The following SLC2A9 variants were observed in gnomAD, a reference collection of about 807,000 sequenced individuals.
The protein encoded by SLC2A9 is solute carrier family 2 member 9, also known as solute carrier family 2, facilitated glucose transporter member 9.
In SLC2A9, 39 loss-of-function variants were observed where a neutral mutation model predicts 50.6. That is an observed-to-expected ratio of 0.77 (90% CI 0.60 to 1.01). The LOEUF (loss-of-function observed/expected upper bound fraction) is 1.01. SLC2A9 is among the 50% of genes least tolerant of loss of function. SLC2A9 has a pLI of 0.00. For synonymous variants in SLC2A9, 324 were observed against 276.9 expected, an observed-to-expected ratio of 1.17 and a Z score of -1.69; for missense variants, 686 against 677.6, an observed-to-expected ratio of 1.01 and a Z score of -0.14.
intron 10 of SLC2A9, among the ~76,000 whole-genome samples, chr4:9,882,764 C>T (rs1410114694): frequency 1.3e-5 from 2 of 151,014 alleles, no homozygotes; most frequent in Non-Finnish European, 2.9e-5. Context: ...AGCAGCTGAT[C>T]TATAAACCAT....
intron 8 of SLC2A9, among the ~76,000 whole-genome samples, chr4:9,891,831 G>T (rs960031702): frequency 6.6e-6 from 1 of 152,216 alleles, no homozygotes; most frequent in East Asian, 1.9e-4. Flanking sequence ...TTTGGGGCTG[G>T]ATGGTCCCCA....
intron 3 of SLC2A9, among the ~76,000 whole-genome samples, chr4:9,803,601 C>A (rs140755938): frequency 3.3e-5 from 5 of 152,286 alleles, no homozygotes; most frequent in Non-Finnish European, 7.4e-5. Flanking sequence ...ATTGAGGAAA[C>A]CTTCATTGAC....
At chr4:9,781,384 C>A (rs1033527722) in intron 3 of SLC2A9, among the ~76,000 whole-genome samples, 2 of 152,240 alleles carry the variant, frequency 1.3e-5, no homozygotes, top group Non-Finnish European at 2.9e-5. Context: ...GTTCCCCAAG[C>A]GTGGCCAGGG....
Position 9,915,467 on chromosome 4 carries a change from C to A in SLC2A9, c.1002+4918G>T, listed in dbSNP as rs547325931. Among the ~76,000 whole-genome samples the A allele has an allele frequency of 2.4e-3, 369 of 152,300 alleles. 4 individuals carry two copies. Among genetic ancestry groups the A allele is most frequent in the Non-Finnish European group, 3.9e-3 (263 of 68,026 alleles). On this transcript the variant is annotated intron_variant, in intron 7 of 11. Coordinates refer to ENST00000264784, the MANE Select transcript of SLC2A9 (RefSeq NM_020041.3). ...GTCAGGCTGATCTTGAACTCCCGAC[C>A]TCAAGTGATCTGCCCACCCCAGGCT...
At chr4:10,022,428 AT>A (rs1319044339), upstream of SLC2A9, among the ~76,000 whole-genome samples, 1 of 152,264 alleles carries the variant, frequency 6.6e-6, no homozygotes, top group Admixed American at 6.5e-5. Context: ...CATGTCCTGT[AT>A]TCCAGCCCCA....
chr4:9,812,932 C>T (rs529578468), intron 3 of SLC2A9, among the ~76,000 whole-genome samples: 1 of 152,332 alleles, frequency 6.6e-6, no homozygotes, highest in South Asian at 2.1e-4. Flanking sequence ...AGGATAATTA[C>T]ATTCACATCT....
At chr4:9,886,829 G>A (rs1353630081) in intron 10 of SLC2A9, among the ~76,000 whole-genome samples, 1 of 152,194 alleles carries the variant, frequency 6.6e-6, no homozygotes, top group Non-Finnish European at 1.5e-5. Context: ...GCTGGACGTG[G>A]ACACAGGGCC....
At chr4:9,826,153 G>C (rs1048952801), downstream of SLC2A9, 6 of 524,656 alleles carry the variant, frequency 1.1e-5, no homozygotes, top group African/African-American at 7.6e-5. Flanking sequence ...CTGAAACATA[G>C]AGTGATTCCT....
At chr4:9,801,112 C>CT (rs1721347949) in intron 3 of SLC2A9, among the ~76,000 whole-genome samples, 1 of 151,354 alleles carries the variant, frequency 6.6e-6, no homozygotes, top group South Asian at 2.1e-4. Flanking sequence ...TTGAATGTGG[C>CT]TTTTGTTGTC....
intron 10 of SLC2A9, among the ~76,000 whole-genome samples, chr4:9,838,063 T>C (rs1114199): frequency 0.16 from 24,465 of 152,188 alleles, 2,708 homozygotes; most frequent in African/African-American, 0.31. Context: ...ATAAGTCTTG[T>C]ACATGAAGGG....
At chr4:9,978,497 T>A (rs1435002924) in intron 5 of SLC2A9, among the ~76,000 whole-genome samples, 1 of 152,274 alleles carries the variant, frequency 6.6e-6, no homozygotes, top group Non-Finnish European at 1.5e-5. Flanking sequence ...GACTTTTAAA[T>A]GTATTTTTGT....
chr4:9,817,368 C>G (rs1044865293), intron 3 of SLC2A9, among the ~76,000 whole-genome samples: 2 of 152,208 alleles, frequency 1.3e-5, no homozygotes, highest in East Asian at 3.9e-4. Flanking sequence ...TTGTCAGGCA[C>G]CTTCTACGTA....
rs138528321 is a variant in SLC2A9 at position 9,820,632 on chromosome 4, C to T, written n.420+5788G>A. On this transcript the variant is annotated intron_variant and non_coding_transcript_variant, in intron 3 of 3. Transcript: ENST00000503280. ...TATTTCATCAGTGTTTTGTAGTTTT[C>T]GGCAGAAAACTAAAGAACGTAAATA... is the stretch of plus-strand genomic sequence containing the variant. Among the ~76,000 whole-genome samples the T allele has an allele frequency of 1.5e-4, 23 of 152,084 alleles. No individual in the cohort carries two copies. The East Asian group carries it at 3.3e-3, about 22-fold the overall frequency.
intron 11 of SLC2A9, among the ~76,000 whole-genome samples, chr4:9,828,295 A>G (rs1196193183): frequency 3.3e-5 from 5 of 152,348 alleles, no homozygotes; most frequent in African/African-American, 7.2e-5. Context: ...GCAAGCCACC[A>G]TCATGTTTTG....
At chr4:9,859,887 C>A (rs749041424) in intron 10 of SLC2A9, among the ~76,000 whole-genome samples, 1 of 152,188 alleles carries the variant, frequency 6.6e-6, no homozygotes, top group East Asian at 1.9e-4. Context: ...CTGTGACAAG[C>A]GGCCTCTGCA....
chr4:9,917,098 G>C (rs1742988590), intron 7 of SLC2A9, among the ~76,000 whole-genome samples: 1 of 152,188 alleles, frequency 6.6e-6, no homozygotes, highest in Non-Finnish European at 1.5e-5. Flanking sequence ...ACTGGCAACA[G>C]ACTGACACTC....
intron 5 of SLC2A9, among the ~76,000 whole-genome samples, chr4:9,951,282 C>G (rs980590500): frequency 6.6e-6 from 1 of 151,190 alleles, no homozygotes; most frequent in African/African-American, 2.4e-5. Context: ...TATGTGGAAG[C>G]TAAAAAATTT....
intron 6 of SLC2A9, among the ~76,000 whole-genome samples, chr4:9,939,660 T>C (rs1316248359): frequency 6.6e-6 from 1 of 152,194 alleles, no homozygotes; most frequent in East Asian, 1.9e-4. Flanking sequence ...GTTGTGATGA[T>C]TTAATGAGCT....
intron 6 of SLC2A9, among the ~76,000 whole-genome samples, chr4:9,921,705 C>T (rs1481226689): frequency 6.6e-6 from 1 of 152,186 alleles, no homozygotes; most frequent in Non-Finnish European, 1.5e-5. Context: ...TAATTTAATG[C>T]TCTCCCCAGC....
Sources: gnomAD v4.1 joint callset for allele counts (sites outside exome capture counted in the v4.1 genomes callset) on GRCh38, gnomAD v4.1.1 for gene constraint, MANE v1.5 for transcripts, NCBI Gene and HGNC (gene_info 2026-07-23, HGNC 2026-07-21) for gene names.